Variants in DCDC1 observed in about 807,000 individuals in gnomAD.
The protein encoded by DCDC1 is doublecortin domain containing 1.
In DCDC1, 200 loss-of-function variants were observed where a neutral mutation model predicts 178.3. The ratio of observed to expected loss-of-function variants is 1.12; its 90% confidence interval spans 1.00 to 1.26. DCDC1 has a LOEUF of 1.26. DCDC1 is among the 50% of genes most tolerant of loss of function. DCDC1 has a pLI of 0.00. For missense variants in DCDC1, 1,983 were observed against 1,749.2 expected (o/e 1.13, Z -2.38); for synonymous variants, 690 against 604.8 (o/e 1.14, Z -2.07).
chr11:31,239,657 T>C lies in DCDC1; in HGVS notation c.1221+1793A>G, dbSNP rs373220952. On this transcript the variant is annotated intron_variant, in intron 9 of 38. Transcript: ENST00000684477. ...TGGAAGAAAAAAGCTTTAGGAGAAATGGCAAAGAGCATAGGTTTCAAAATA... is the reference window on the plus strand; with the variant it reads ...TGGAAGAAAAAAGCTTTAGGAGAAACGGCAAAGAGCATAGGTTTCAAAATA... 6.6e-4 allele frequency among the ~76,000 whole-genome samples: 101 copies of C among 152,038 alleles called. 3 individuals carry two copies. The South Asian group carries it at 0.018, about 27-fold the overall frequency.
intron 7 of DCDC1, among the ~76,000 whole-genome samples, chr11:31,281,449 T>C (rs1315103589): frequency 1.3e-5 from 2 of 152,230 alleles, no homozygotes; most frequent in African/African-American, 4.8e-5. Flanking sequence ...GAAAATTTTT[T>C]TTTGTTTTTT....
chr11:30,986,907 G>C (rs1261577568), intron 20 of DCDC1, among the ~76,000 whole-genome samples: 3 of 152,124 alleles, frequency 2.0e-5, no homozygotes, highest in African/African-American at 7.2e-5. Flanking sequence ...AAAGAGAATG[G>C]TATTCTTTCT....
At chr11:31,143,191 T>C (rs550475114) in intron 9 of DCDC1, among the ~76,000 whole-genome samples, 20 of 152,086 alleles carry the variant, frequency 1.3e-4, no homozygotes, top group Non-Finnish European at 2.1e-4. Context: ...AGAAATATCA[T>C]TTAGAGATGG....
chr11:31,117,947 G>A (rs1441518678), intron 11 of DCDC1, among the ~76,000 whole-genome samples: 3 of 152,080 alleles, frequency 2.0e-5, no homozygotes, highest in Non-Finnish European at 4.4e-5. Context: ...TAAAATATCA[G>A]GCATGTGGGT....
chr11:30,893,724 A>G (rs1590254683), intron 35 of DCDC1, among the ~76,000 whole-genome samples: 1 of 152,316 alleles, frequency 6.6e-6, no homozygotes, highest in Admixed American at 6.5e-5. Flanking sequence ...CACAAAGCAA[A>G]AAAGTTTTCC....
In DCDC1 at chr11:31,125,576, C is replaced by G. The variant is rs538615881; in HGVS notation, c.1485+1893G>C. Among the ~76,000 whole-genome samples the G allele has an allele frequency of 2.6e-5, 4 of 152,246 alleles. No homozygotes were observed. The South Asian group carries it at 6.2e-4, about 24-fold the overall frequency. The stretch of plus-strand genomic sequence containing the variant: ...TAAGGAAAATGTGGTACTTACACAT[C>G]ATGGAATACTATGCAGCCATGAAAA... On this transcript the variant is annotated intron_variant, in intron 11 of 38. Coordinates refer to ENST00000684477, the MANE Select transcript of DCDC1 (RefSeq NM_001387274.1).
intron 9 of DCDC1, among the ~76,000 whole-genome samples, chr11:31,162,358 A>G (rs1966386600): frequency 6.6e-6 from 1 of 152,136 alleles, no homozygotes; most frequent in Admixed American, 6.6e-5. Flanking sequence ...TAGCATATAG[A>G]CTTTTGCAGC....
At chr11:31,211,485 T>C (rs1025157267) in intron 9 of DCDC1, among the ~76,000 whole-genome samples, 2 of 152,214 alleles carry the variant, frequency 1.3e-5, no homozygotes, top group Non-Finnish European at 2.9e-5. Flanking sequence ...TTGTGAGGCC[T>C]AGGGATTTGA....
chr11:31,364,826 T>A (rs1951880299), intron 1 of DCDC1, among the ~76,000 whole-genome samples: 1 of 151,594 alleles, frequency 6.6e-6, no homozygotes, highest in South Asian at 2.1e-4. Context: ...TAAAGCTTTA[T>A]GTTAATCTGT....
chr11:30,986,284 A>C (rs1950636334), intron 20 of DCDC1, among the ~76,000 whole-genome samples: 1 of 150,982 alleles, frequency 6.6e-6, no homozygotes, highest in Non-Finnish European at 1.5e-5. Context: ...AGTACCTTTC[A>C]AGTAGTTTAC....
At chr11:31,103,080 G>A (rs1334088216) in intron 14 of DCDC1, among the ~76,000 whole-genome samples, 1 of 152,152 alleles carries the variant, frequency 6.6e-6, no homozygotes, top group East Asian at 1.9e-4. Context: ...TTGTAACTGT[G>A]CCTGGCCTAT....
Position 31,268,517 on chromosome 11 carries a change from G to A in DCDC1, c.961-2917C>T, listed in dbSNP as rs118112740. 6.7e-3 allele frequency among the ~76,000 whole-genome samples: 1,023 copies of A among 152,188 alleles called. 16 individuals are homozygous for A. The highest frequency in any genetic ancestry group is 0.046 in the South Asian group (219 of 4,808). The stretch of plus-strand genomic sequence containing the variant: ...CATTAATTTGCTTAGGATAATGGGC[G>A]TCCAGCTGCATCCATGTGGCTGCAA... On this transcript the variant is annotated intron_variant, in intron 7 of 38. Coordinates refer to ENST00000684477, the MANE Select transcript of DCDC1 (RefSeq NM_001387274.1).
intron 1 of DCDC1, among the ~76,000 whole-genome samples, chr11:31,338,225 T>C (rs531156441): frequency 6.6e-6 from 1 of 152,280 alleles, no homozygotes; most frequent in East Asian, 1.9e-4. Context: ...GTGACTCTTG[T>C]GTTAATCCTA....
At chr11:31,275,777 G>A (rs1945942446) in intron 7 of DCDC1, among the ~76,000 whole-genome samples, 1 of 152,148 alleles carries the variant, frequency 6.6e-6, no homozygotes, top group Non-Finnish European at 1.5e-5. Flanking sequence ...GAGCCACTGT[G>A]CCCAGTCTAC....
chr11:31,159,006 CA>C (rs199820908), intron 9 of DCDC1, among the ~76,000 whole-genome samples: 5 of 149,856 alleles, frequency 3.3e-5, no homozygotes, highest in African/African-American at 1.2e-4. Context: ...GGATGTATAC[CA>C]AAAAAAATAC....
At position 31,005,952 on chromosome 11, in the gene DCDC1, GAA is replaced by G. The variant is rs35225668; in HGVS notation, c.2592-53386_2592-53385del. 3.9e-3 allele frequency among the ~76,000 whole-genome samples: 188 copies of G among 47,798 alleles called. 1 individual carries two copies. The highest frequency in any genetic ancestry group is 0.013 in the African/African-American group (169 of 12,744). 31.4% of individuals were successfully genotyped at this position (47,798 alleles called of 152,430 possible). ...CAACAGGCATATAGCTCTTATTCCTGAAAAAAAAAAAAAAAAAAAAAAAAAAC... is the reference window on the plus strand; with the variant it reads ...CAACAGGCATATAGCTCTTATTCCTGAAAAAAAAAAAAAAAAAAAAAAAAC... On this transcript the variant is annotated intron_variant, in intron 20 of 38. Transcript: ENST00000684477.
chr11:30,906,832 G>A (rs960436950), intron 29 of DCDC1, 107 bp from the exon 30 acceptor site: 1 of 979,022 alleles, frequency 1.0e-6, no homozygotes, highest in Non-Finnish European at 1.4e-6. Flanking sequence ...ACCCCAAAAT[G>A]CTAAATTTAA....
intron 9 of DCDC1, among the ~76,000 whole-genome samples, chr11:31,210,216 C>T (rs1459959140): frequency 6.6e-6 from 1 of 152,190 alleles, no homozygotes; most frequent in African/African-American, 2.4e-5. Flanking sequence ...AGTGCCCTCC[C>T]ACGCAAAGAG....
At chr11:31,066,431 T>C (rs1330657761) in intron 18 of DCDC1, among the ~76,000 whole-genome samples, 2 of 152,164 alleles carry the variant, frequency 1.3e-5, no homozygotes, top group Non-Finnish European at 2.9e-5. Context: ...GCTGCCTCAA[T>C]TATAATATAA....
Sources: allele counts gnomAD v4.1 joint callset (sites outside exome capture counted in the v4.1 genomes callset), GRCh38; gene constraint gnomAD v4.1.1; transcripts MANE v1.5; gene names NCBI Gene and HGNC (gene_info 2026-07-23, HGNC 2026-07-21).